FER: variants seen among roughly 807,000 people sequenced by gnomAD.
FER encodes tyrosine-protein kinase Fer.
Under a neutral mutation model 111.0 loss-of-function variants are expected in FER, and 63 were observed. The ratio of observed to expected loss-of-function variants is 0.57; its 90% CI spans 0.46 to 0.70. The LOEUF (loss-of-function observed/expected upper bound fraction) is 0.70, where lower values mean the gene tolerates loss of function less well. Among genes scored for constraint, FER ranks in the 30% least tolerant of loss-of-function variants. The pLI is 0.00. For missense variants in FER, 914 were observed against 954.0 expected (o/e 0.96, Z 0.55); for synonymous variants, 327 against 313.9 (o/e 1.04, Z -0.44).
intron 2 of FER, among the ~76,000 whole-genome samples, chr5:108,787,341 G>C (rs916348278): frequency 6.6e-6 from 1 of 152,228 alleles, no homozygotes; most frequent in African/African-American, 2.4e-5. Flanking sequence ...GGGGCTGAGG[G>C]CAGCTTGGCA....
chr5:108,883,481 A>C lies in FER; in HGVS notation c.1009A>C (p.Ile337Leu). 6.2e-7 allele frequency: 1 copy of C among 1,607,848 alleles called. No homozygotes were observed. Residue 337 changes from isoleucine (I) to leucine (L), a missense_variant, in exon 9 of 20, where the codon ATT becomes CTT. Physicochemically the swap from Ile to Leu is conservative, Grantham distance 5. Coordinates refer to ENST00000281092, the MANE Select transcript of FER (RefSeq NM_005246.4). ...EEAVLELEKRIEESSETCEKK... is the reference protein window; with the variant it reads ...EEAVLELEKRLEESSETCEKK... ...GGCTGTTTTGGAGTTAGAGAAGAGA[A>C]TTGAAGAATCTTCTGAAACTTGTGA...
At chr5:109,147,892 A>G (rs890478267) in intron 17 of FER, among the ~76,000 whole-genome samples, 21 of 151,728 alleles carry the variant, frequency 1.4e-4, no homozygotes, top group African/African-American at 4.8e-4. Flanking sequence ...TTAGGTTCCA[A>G]ATAAGTTTGT....
intron 10 of FER, among the ~76,000 whole-genome samples, chr5:108,927,284 C>G (rs1029225332): frequency 1.6e-5 from 1 of 63,190 alleles, no homozygotes; most frequent in Non-Finnish European, 2.8e-5. Flanking sequence ...GACGGAGTCT[C>G]GCTCTGTCGC....
chr5:109,076,128 G>T (rs1280940032), intron 16 of FER, among the ~76,000 whole-genome samples: 5 of 151,810 alleles, frequency 3.3e-5, no homozygotes, highest in African/African-American at 1.2e-4. Flanking sequence ...CATTTTTATG[G>T]CTATTCTTTC....
intron 17 of FER, among the ~76,000 whole-genome samples, chr5:109,112,741 G>A (rs1582083892): frequency 6.6e-6 from 1 of 152,080 alleles, no homozygotes; most frequent in Admixed American, 6.6e-5. Flanking sequence ...TTAAATCACT[G>A]TTTTAGAGTT....
intron 4 of FER, among the ~76,000 whole-genome samples, chr5:108,833,443 C>A (rs957702498): frequency 6.6e-6 from 1 of 150,820 alleles, no homozygotes; most frequent in Non-Finnish European, 1.5e-5. Context: ...CAACTTCCAC[C>A]TACCCATCAC....
intron 5 of FER, among the ~76,000 whole-genome samples, chr5:108,860,258 T>A (rs575802682): frequency 3.7e-4 from 57 of 152,132 alleles, no homozygotes; most frequent in African/African-American, 1.2e-3. Flanking sequence ...TTTTTGTTTT[T>A]AATGCTTTAT....
chr5:109,033,179 A>G (rs909359977), intron 13 of FER, among the ~76,000 whole-genome samples: 3 of 152,066 alleles, frequency 2.0e-5, no homozygotes, highest in African/African-American at 7.2e-5. Context: ...TACTATTCCT[A>G]TTTCTTGGAA....
intron 8 of FER, 57 bp from the exon 9 acceptor site, chr5:108,883,339 T>C: frequency 6.8e-7 from 1 of 1,476,256 alleles, no homozygotes; most frequent in Non-Finnish European, 9.1e-7. Flanking sequence ...ACTTTTTTGA[T>C]ATGTATAAAG....
At chr5:109,061,994 T>C (rs527333341) in intron 16 of FER, among the ~76,000 whole-genome samples, 18 of 145,534 alleles carry the variant, frequency 1.2e-4, no homozygotes, top group African/African-American at 4.4e-4. Context: ...TCTGTCTTTG[T>C]TTGAATCATC....
intron 3 of FER, chr5:108,820,348 A>G (rs541530616): frequency 1.0e-6 from 1 of 985,392 alleles, no homozygotes; most frequent in Admixed American, 6.1e-5. Flanking sequence ...AATTTTTGGT[A>G]GGAGAAAACT....
At chr5:109,021,738 A>G (rs1767953959) in intron 13 of FER, among the ~76,000 whole-genome samples, 1 of 152,096 alleles carries the variant, frequency 6.6e-6, no homozygotes, top group South Asian at 2.1e-4. Flanking sequence ...ATTGAAAAGC[A>G]AAAAAACAAG....
chr5:108,821,419 A>G lies in FER; in HGVS notation c.208-11351A>G, dbSNP rs1758832091. Among the ~76,000 whole-genome samples the G allele has an allele frequency of 2.6e-5, 4 of 152,316 alleles. No homozygotes were observed. In the South Asian group the frequency reaches 6.2e-4, roughly 24 times the overall value. On this transcript the variant is annotated intron_variant, in intron 3 of 19. Transcript: ENST00000281092. ...ATGAAGATATCCAAGAACTCATTAC[A>G]ATGAGTTATACCGTTGAAGGAGTTT...
chr5:108,794,524 G>GCCCCCCCCCCCCCCCCCCCCCCCCCCCCC (rs1415651696), intron 2 of FER, among the ~76,000 whole-genome samples: 1 of 53,704 alleles, frequency 1.9e-5, no homozygotes, highest in Admixed American at 1.9e-4. Flanking sequence ...TGCCCCCTCC[G>GCCCCCCCCCCCCCCCCCCCCCCCCCCCCC]CACCCCCCCC....
At position 109,195,784 on chromosome 5, in the gene FER, G is replaced by C. The variant is rs566268969; in HGVS notation, c.*8209G>C. 3.9e-4 allele frequency: 59 copies of C among 152,230 alleles called. No homozygotes were observed. Among genetic ancestry groups the C allele is most frequent in the African/African-American group, 1.4e-3 (57 of 41,538 alleles). 9.4% of individuals were successfully genotyped at this position (152,230 alleles called of 1,614,324 possible). A position where few individuals can be genotyped will look rare whatever the true frequency, so the allele number is the denominator to read the frequency against. ...TTCATCATTCTTTACAGAGCATTGA[G>C]GTTTCCCACTGAAACAGCTTCTTTA... On this transcript the variant is annotated 3_prime_UTR_variant, in exon 20 of 20. Coordinates refer to ENST00000281092, the MANE Select transcript of FER (RefSeq NM_005246.4).
chr5:108,993,568 G>A (rs1238870533), intron 13 of FER, among the ~76,000 whole-genome samples: 7 of 140,222 alleles, frequency 5.0e-5, no homozygotes, highest in African/African-American at 8.9e-5. Context: ...GAGGGAGACC[G>A]TGGGGAGAGG....
At chr5:108,831,440 A>G (rs1207945874) in intron 3 of FER, among the ~76,000 whole-genome samples, 1 of 152,146 alleles carries the variant, frequency 6.6e-6, no homozygotes, top group Admixed American at 6.5e-5. Flanking sequence ...GTTACATTTT[A>G]GATTTTAAAG....
chr5:108,893,407 T>C (rs1748496048), intron 9 of FER, among the ~76,000 whole-genome samples: 1 of 152,108 alleles, frequency 6.6e-6, no homozygotes, highest in Admixed American at 6.6e-5. Flanking sequence ...AAAGGTTTTC[T>C]TCTTTATTTT....
At chr5:108,763,729 C>T (rs755138480) in intron 1 of FER, among the ~76,000 whole-genome samples, 1 of 152,162 alleles carries the variant, frequency 6.6e-6, no homozygotes, top group African/African-American at 2.4e-5. Flanking sequence ...ACATTTTGGT[C>T]AGAAGATTCT....
Sources: gnomAD v4.1 joint callset for allele counts (sites outside exome capture counted in the v4.1 genomes callset) on GRCh38, gnomAD v4.1.1 for gene constraint, MANE v1.5 for transcripts, NCBI Gene and HGNC (gene_info 2026-07-23, HGNC 2026-07-21) for gene names.